BICC1: variants seen among roughly 807,000 people sequenced by gnomAD.
The protein encoded by BICC1 is protein bicaudal C homolog 1.
In BICC1, 43 loss-of-function variants were observed where a neutral mutation model predicts 111.0. That is an observed-to-expected ratio of 0.39 (90% confidence interval 0.30 to 0.50). BICC1 has a LOEUF of 0.50. Ranked by LOEUF, BICC1 falls within the 20% of genes least tolerant of loss-of-function variation. The pLI is 0.88. For missense variants in BICC1, 1,091 were observed against 1,203.2 expected (o/e 0.91, Z 1.38); for synonymous variants, 467 against 434.4 (o/e 1.07, Z -0.93).
intron 1 of BICC1, among the ~76,000 whole-genome samples, chr10:58,540,085 AAACAC>A (rs1433938841): frequency 3.9e-5 from 6 of 152,022 alleles, no homozygotes; most frequent in Non-Finnish European, 8.8e-5. Context: ...ATGAATATGA[AAACAC>A]AACATAGCAC....
chr10:58,722,660 A>G (rs1467716400), intron 3 of BICC1, among the ~76,000 whole-genome samples: 7 of 152,212 alleles, frequency 4.6e-5, no homozygotes, highest in Non-Finnish European at 1.0e-4. Context: ...AGAAATAATA[A>G]TCTAGAGGAC....
intron 3 of BICC1, among the ~76,000 whole-genome samples, chr10:58,776,228 T>C (rs1291407001): frequency 6.6e-6 from 1 of 152,212 alleles, no homozygotes; most frequent in Admixed American, 6.5e-5. Flanking sequence ...GTCTAATGTG[T>C]GTGAACTCTT....
At chr10:58,537,161 C>G (rs777444718) in intron 1 of BICC1, among the ~76,000 whole-genome samples, 2 of 151,836 alleles carry the variant, frequency 1.3e-5, no homozygotes, top group African/African-American at 4.8e-5. Flanking sequence ...GGAATCAATT[C>G]TACTGAACTA....
At chr10:58,601,067 G>T (rs1465393850) in intron 1 of BICC1, among the ~76,000 whole-genome samples, 2 of 143,392 alleles carry the variant, frequency 1.4e-5, no homozygotes, top group South Asian at 2.2e-4. Context: ...AATTAGACTT[G>T]ATAAGAACAC....
At chr10:58,737,038 T>A (rs748916057) in intron 3 of BICC1, among the ~76,000 whole-genome samples, 1 of 152,180 alleles carries the variant, frequency 6.6e-6, no homozygotes, top group East Asian at 1.9e-4. Flanking sequence ...ATGTCAACAT[T>A]TGAAAAAAAA....
intron 20 of BICC1, 66 bp downstream of exon 20, chr10:58,820,534 G>C: frequency 8.2e-7 from 1 of 1,215,136 alleles, no homozygotes; most frequent in Non-Finnish European, 1.2e-6. Flanking sequence ...CTCAGCCATT[G>C]GGTTGTTTCT....
intron 1 of BICC1, among the ~76,000 whole-genome samples, chr10:58,593,458 A>G (rs993255691): frequency 9.2e-5 from 14 of 152,130 alleles, no homozygotes; most frequent in Admixed American, 3.3e-4. Flanking sequence ...GACACCTCCC[A>G]GTAGGGGCCG....
At chr10:58,536,839 A>G (rs1342117947) in intron 1 of BICC1, among the ~76,000 whole-genome samples, 1 of 151,836 alleles carries the variant, frequency 6.6e-6, no homozygotes, top group Non-Finnish European at 1.5e-5. Flanking sequence ...AAAGATTCAG[A>G]TAAGCTCAAT....
chr10:58,598,645 G>A lies in BICC1; in HGVS notation c.191-22210G>A, dbSNP rs539630010. Among the ~76,000 whole-genome samples the A allele has an allele frequency of 9.2e-4, 140 of 152,122 alleles. 2 individuals are homozygous for A. The South Asian group carries it at 0.028, about 30-fold the overall frequency. ...CCAAAAGCGATGGCAACAAAAGCCA[G>A]AATTTACAAATGGGATCTAATTAAA... On this transcript the variant is annotated intron_variant, in intron 1 of 20. Coordinates refer to ENST00000373886, the MANE Select transcript of BICC1 (RefSeq NM_001080512.3).
At position 58,583,766 on chromosome 10, in the gene BICC1, T is replaced by A. The variant is rs113591778; in HGVS notation, c.191-37089T>A. ...GTCTTTTTCGTATTATATAATGACT[T>A]CTTTTCCTCTGGGTAGATGCCCAGT... On this transcript the variant is annotated intron_variant, in intron 1 of 20. Coordinates refer to ENST00000373886, the MANE Select transcript of BICC1 (RefSeq NM_001080512.3). 4.6e-3 allele frequency among the ~76,000 whole-genome samples: 700 copies of A among 152,274 alleles called. 5 individuals are homozygous for A. The highest frequency in any genetic ancestry group is 0.014 in the African/African-American group (595 of 41,540).
chr10:58,812,337 G>A (rs1056328603), intron 17 of BICC1, among the ~76,000 whole-genome samples: 10 of 152,074 alleles, frequency 6.6e-5, no homozygotes, highest in African/African-American at 2.4e-4. Context: ...TAGGAATTCT[G>A]AAAGAATAAG....
chr10:58,563,261 G>C (rs1658441), intron 1 of BICC1, among the ~76,000 whole-genome samples: 69,894 of 151,940 alleles, frequency 0.46, 17,142 homozygotes, highest in Admixed American at 0.62. Flanking sequence ...TGGGTCCTGG[G>C]GGTTGCGGGG....
chr10:58,655,165 G>C (rs576030127), intron 2 of BICC1, among the ~76,000 whole-genome samples: 1,494 of 142,860 alleles, frequency 0.01, 31 homozygotes, highest in African/African-American at 0.036. Flanking sequence ...TGGCGATGCG[G>C]GCTCTTTTTT....
intron 1 of BICC1, among the ~76,000 whole-genome samples, chr10:58,585,926 T>A (rs1844414514): frequency 6.6e-6 from 1 of 152,186 alleles, no homozygotes; most frequent in Non-Finnish European, 1.5e-5. Context: ...AGGTAGGGGC[T>A]GGTATTCTAC....
At chr10:58,778,645 C>T (rs1211869537) in intron 3 of BICC1, among the ~76,000 whole-genome samples, 1 of 152,028 alleles carries the variant, frequency 6.6e-6, no homozygotes, top group Non-Finnish European at 1.5e-5. Context: ...TTAGGGGCAG[C>T]AGATAAATTC....
chr10:58,544,507 T>A (rs1214028862), intron 1 of BICC1, among the ~76,000 whole-genome samples: 1 of 152,150 alleles, frequency 6.6e-6, no homozygotes, highest in African/African-American at 2.4e-5. Context: ...ATTTCAGACT[T>A]GGCTTGAAAC....
intron 2 of BICC1, among the ~76,000 whole-genome samples, chr10:58,625,836 G>A (rs1021990127): frequency 6.6e-6 from 1 of 152,136 alleles, no homozygotes; most frequent in South Asian, 2.1e-4. Flanking sequence ...CTTTTATTGA[G>A]GGGCAGCAGA....
chr10:58,723,284 C>T (rs1421347038), intron 3 of BICC1, among the ~76,000 whole-genome samples: 3 of 152,172 alleles, frequency 2.0e-5, no homozygotes, highest in South Asian at 2.1e-4. Context: ...CTACTTTCCT[C>T]AGTCTGTTTG....
chr10:58,691,652 G>T (rs1343093450), intron 2 of BICC1, among the ~76,000 whole-genome samples: 2 of 152,170 alleles, frequency 1.3e-5, no homozygotes, highest in Non-Finnish European at 2.9e-5. Flanking sequence ...CTTTTAAAAT[G>T]GGTGGATGTG....
Sources: gnomAD v4.1 joint callset for allele counts (sites outside exome capture counted in the v4.1 genomes callset) on GRCh38, gnomAD v4.1.1 for gene constraint, MANE v1.5 for transcripts, NCBI Gene and HGNC (gene_info 2026-07-23, HGNC 2026-07-21) for gene names.